Variants in GALNTL6 observed in about 807,000 individuals in gnomAD.
GALNTL6 encodes the protein polypeptide N-acetylgalactosaminyltransferase like 6.
GALNTL6 carries 46 observed loss-of-function variants against 73.7 expected under a neutral mutation model. That is an observed-to-expected ratio of 0.62 (90% CI 0.49 to 0.80). The LOEUF is 0.80. GALNTL6 is among the 30% of genes least tolerant of loss of function. The pLI is 0.00. For synonymous variants in GALNTL6, 259 were observed against 263.7 expected (o/e 0.98, Z 0.17); for missense variants, 604 against 755.0 (o/e 0.80, Z 2.34).
At chr4:172,522,674 CCCCCA>C (rs1350210465) in intron 5 of GALNTL6, among the ~76,000 whole-genome samples, 1 of 64,038 alleles carries the variant, frequency 1.6e-5, no homozygotes, top group East Asian at 7.5e-4. Context: ...GTCCCCCCCC[CCCCCA>C]AAAAAAAAGT....
chr4:172,673,477 T>C (rs565096578), intron 5 of GALNTL6, among the ~76,000 whole-genome samples: 8 of 152,308 alleles, frequency 5.3e-5, no homozygotes, highest in African/African-American at 1.9e-4. Flanking sequence ...TCTGTAGATA[T>C]CTATCATGTC....
intron 2 of GALNTL6, among the ~76,000 whole-genome samples, chr4:171,964,720 G>A (rs1236172146): frequency 6.6e-6 from 1 of 152,174 alleles, no homozygotes; most frequent in Non-Finnish European, 1.5e-5. Flanking sequence ...CTATGAAGCA[G>A]CACCTAGATC....
chr4:172,400,115 T>C (rs955109854), intron 5 of GALNTL6, among the ~76,000 whole-genome samples: 1 of 152,186 alleles, frequency 6.6e-6, no homozygotes, highest in African/African-American at 2.4e-5. Flanking sequence ...TCAGTTGTGC[T>C]AATTGGAACT....
intron 3 of GALNTL6, among the ~76,000 whole-genome samples, chr4:172,306,447 G>T (rs1410608512): frequency 6.6e-6 from 1 of 152,002 alleles, no homozygotes; most frequent in Admixed American, 6.6e-5. Context: ...GAAAGGAAAG[G>T]CTACTTTACA....
intron 5 of GALNTL6, among the ~76,000 whole-genome samples, chr4:172,482,306 A>G (rs1021922297): frequency 9.2e-5 from 14 of 152,216 alleles, no homozygotes; most frequent in Non-Finnish European, 1.3e-4. Flanking sequence ...CCGACAGCCC[A>G]GAGAGGGGCT....
intron 2 of GALNTL6, among the ~76,000 whole-genome samples, chr4:172,112,335 C>T (rs147586601): frequency 2.3e-4 from 35 of 152,070 alleles, no homozygotes; most frequent in African/African-American, 7.9e-4. Flanking sequence ...TTGGCAATTA[C>T]GAATAAAGCT....
intron 2 of GALNTL6, among the ~76,000 whole-genome samples, chr4:172,039,574 A>C (rs1050659234): frequency 2.6e-5 from 4 of 152,156 alleles, no homozygotes; most frequent in African/African-American, 9.7e-5. Flanking sequence ...GAAAGCAGGA[A>C]TCTACAAAGG....
intron 8 of GALNTL6, among the ~76,000 whole-genome samples, 161 bp from the exon 9 acceptor site, chr4:172,931,000 T>A (rs1023302095): frequency 2.8e-4 from 42 of 152,036 alleles, no homozygotes; most frequent in African/African-American, 9.9e-4. Flanking sequence ...ATCTAGGTTT[T>A]AAAAAAAAGT....
intron 2 of GALNTL6, among the ~76,000 whole-genome samples, chr4:172,037,111 AG>A: frequency 6.6e-6 from 1 of 152,202 alleles, no homozygotes; most frequent in Non-Finnish European, 1.5e-5. Context: ...AAATTTAAAA[AG>A]CCTGAAATAT....
rs543882441 is a variant in GALNTL6, at chr4:172,587,712, A to C, written c.554-221649A>C. Among the ~76,000 whole-genome samples the C allele has an allele frequency of 5.9e-5, 9 of 152,316 alleles. No homozygotes were observed. In the East Asian group the frequency reaches 1.7e-3, roughly 29 times the overall value. On this transcript the variant is annotated intron_variant, in intron 5 of 12. Transcript: ENST00000506823. ...ACATCCTTCCAGGATCGGCTCTAGC[A>C]ATGCCTCCTCCCAGAAGCTTTTTGT...
At chr4:172,596,446 CAAAAAAAAA>C (rs58136953) in intron 5 of GALNTL6, among the ~76,000 whole-genome samples, 1 of 69,868 alleles carries the variant, frequency 1.4e-5, no homozygotes, top group Non-Finnish European at 2.9e-5. Flanking sequence ...CATTGTCTCT[CAAAAAAAAA>C]AAAAGAAAAA....
intron 3 of GALNTL6, among the ~76,000 whole-genome samples, chr4:172,252,027 A>T (rs147162612): frequency 0.014 from 2,091 of 152,304 alleles, 30 homozygotes; most frequent in Middle Eastern, 0.037. Context: ...GGGTAGAAAT[A>T]TGTCAAATCA....
At chr4:171,945,890 T>A (rs1182646863) in intron 2 of GALNTL6, among the ~76,000 whole-genome samples, 1 of 152,154 alleles carries the variant, frequency 6.6e-6, no homozygotes, top group Non-Finnish European at 1.5e-5. Context: ...AGTCACAATA[T>A]AAAATTACTG....
intron 5 of GALNTL6, among the ~76,000 whole-genome samples, chr4:172,599,248 C>A (rs1737966238): frequency 6.6e-6 from 1 of 152,042 alleles, no homozygotes; most frequent in Non-Finnish European, 1.5e-5. Context: ...CCAAGTATGT[C>A]CTGCTCCTCT....
intron 5 of GALNTL6, among the ~76,000 whole-genome samples, chr4:172,519,924 AT>A (rs1378627311): frequency 6.6e-6 from 1 of 151,876 alleles, no homozygotes; most frequent in African/African-American, 2.4e-5. Context: ...ATAAAAAAAA[AT>A]AGGGCAAGAC....
At chr4:172,799,931 C>T (rs754334571) in intron 5 of GALNTL6, among the ~76,000 whole-genome samples, 14 of 152,142 alleles carry the variant, frequency 9.2e-5, no homozygotes, top group Non-Finnish European at 2.1e-4. Flanking sequence ...AATATTCATT[C>T]AGCCTTAAAA....
intron 2 of GALNTL6, among the ~76,000 whole-genome samples, chr4:171,867,658 A>G (rs1000747936): frequency 1.3e-5 from 2 of 152,358 alleles, no homozygotes; most frequent in Admixed American, 6.5e-5. Flanking sequence ...TGAAAAAATC[A>G]AATGTCATCA....
chr4:171,909,159 T>G (rs138690142), intron 2 of GALNTL6, among the ~76,000 whole-genome samples: 5,157 of 120,626 alleles, frequency 0.043, 284 homozygotes, highest in African/African-American at 0.14. Flanking sequence ...AATAAATAAA[T>G]AAATAAAAAG....
intron 5 of GALNTL6, among the ~76,000 whole-genome samples, chr4:172,578,453 G>A (rs914739656): frequency 1.3e-5 from 2 of 152,120 alleles, no homozygotes; most frequent in African/African-American, 4.8e-5. Flanking sequence ...TTAATTACTG[G>A]TAATTGATAT....
Sources: allele counts gnomAD v4.1 joint callset (sites outside exome capture counted in the v4.1 genomes callset), GRCh38; gene constraint gnomAD v4.1.1; transcripts MANE v1.5; gene names NCBI Gene and HGNC (gene_info 2026-07-23, HGNC 2026-07-21).